The following MAP2K5 variants were observed in gnomAD, a reference collection of about 807,000 sequenced individuals.
MAP2K5 encodes dual specificity mitogen-activated protein kinase kinase 5.
Under a neutral mutation model 83.1 loss-of-function variants are expected in MAP2K5, and 49 were observed. The observed-to-expected ratio is 0.59, with a 90% CI of 0.47 to 0.75. The LOEUF (loss-of-function observed/expected upper bound fraction) is 0.75. Ranked by LOEUF, MAP2K5 falls within the 30% of genes least tolerant of loss-of-function variation. The pLI is 0.00. For synonymous variants in MAP2K5, 202 were observed against 191.8 expected (o/e 1.05, Z -0.44); for missense variants, 457 against 557.5 (o/e 0.82, Z 1.82).
At chr15:67,766,443 A>C (rs1020857033) in intron 19 of MAP2K5, among the ~76,000 whole-genome samples, 2 of 152,228 alleles carry the variant, frequency 1.3e-5, no homozygotes, top group African/African-American at 4.8e-5. Context: ...TCTTCAGCCC[A>C]CATTTATATT....
intron 13 of MAP2K5, among the ~76,000 whole-genome samples, chr15:67,681,635 C>A (rs183881553): frequency 2.6e-5 from 4 of 152,246 alleles, no homozygotes; most frequent in African/African-American, 9.6e-5. Flanking sequence ...TAGCTTAAAC[C>A]CAAACCTTAA....
Position 67,558,049 on chromosome 15 carries a change from C to G in MAP2K5, c.185-5234C>G, listed in dbSNP as rs79348006. ...ATTTTGGCTGGAAATATTACTGATG[C>G]AAAAAGTCCAAATCCCTTTTAGTCT... is the stretch of plus-strand genomic sequence containing the variant. On this transcript the variant is annotated intron_variant, in intron 2 of 21. Transcript: ENST00000178640. Among the ~76,000 whole-genome samples the G allele has an allele frequency of 7.5e-3, 1,138 of 152,198 alleles. 12 individuals are homozygous for G. The highest frequency in any genetic ancestry group is 0.024 in the African/African-American group (1,007 of 41,532).
Position 67,806,759 on chromosome 15 carries a change from C to T in MAP2K5, c.*9C>T. The T allele has an allele frequency of 6.4e-7, 1 of 1,563,970 alleles. No homozygotes were observed. Among genetic ancestry groups the T allele is most frequent in the Non-Finnish European group, 8.6e-7 (1 of 1,158,102 alleles). ...AGCAGGGGCCCCCGTGAGGCTGCCG[C>T]AGGGCACTGAAAGCCCAGGACCAGT... On this transcript the variant is annotated 3_prime_UTR_variant, in exon 22 of 22. Coordinates refer to ENST00000178640, the MANE Select transcript of MAP2K5 (RefSeq NM_145160.3).
rs571341902 is a variant in MAP2K5 at position 67,641,669 on chromosome 15, T to G, written c.586-4562T>G. ...TGGAAATGCACCAAGGTATTTCAGT[T>G]TCTCACTTAACCCTTTCTCCATGGA... is the stretch of plus-strand genomic sequence containing the variant. On this transcript the variant is annotated intron_variant, in intron 9 of 21. Coordinates refer to ENST00000178640, the MANE Select transcript of MAP2K5 (RefSeq NM_145160.3). 9 of 960,166 alleles carry G rather than the reference T, an allele frequency of 9.4e-6. No homozygotes were observed. In the Admixed American group the frequency reaches 3.7e-4, roughly 39 times the overall value. 59.5% of individuals were successfully genotyped at this position (960,166 alleles called of 1,614,324 possible).
intron 17 of MAP2K5, among the ~76,000 whole-genome samples, chr15:67,739,054 A>G (rs1271487784): frequency 6.6e-6 from 1 of 152,092 alleles, no homozygotes; most frequent in African/African-American, 2.4e-5. Flanking sequence ...CCAAGGCAGG[A>G]GACTCACGTG....
chr15:67,764,609 C>G lies in MAP2K5; in HGVS notation c.1135-4993C>G, dbSNP rs2090007697. ...TATGGATTAAGTATCAGCCATTCCA[C>G]AATGCCAGGCTCATTGCGTTCCACA... On this transcript the variant is annotated intron_variant, in intron 19 of 21. Transcript: ENST00000178640. This position sits in a 1 kb window ranked among gnomAD's most constrained non-coding sequence, Gnocchi z 4.9. 6.6e-6 allele frequency among the ~76,000 whole-genome samples: 1 copy of G among 152,184 alleles called. No individual in the cohort carries two copies. Among genetic ancestry groups the G allele is most frequent in the Non-Finnish European group, 1.5e-5 (1 of 68,038 alleles).
At chr15:67,600,337 G>T (rs1480654965) in intron 7 of MAP2K5, among the ~76,000 whole-genome samples, 4 of 152,160 alleles carry the variant, frequency 2.6e-5, no homozygotes, top group South Asian at 2.1e-4. Context: ...CTTTGGTTAT[G>T]TGCAGTGCTC....
At chr15:67,631,294 A>G (rs572423712) in intron 9 of MAP2K5, among the ~76,000 whole-genome samples, 2 of 152,070 alleles carry the variant, frequency 1.3e-5, no homozygotes, top group East Asian at 3.9e-4. Flanking sequence ...TCCCGTTAGA[A>G]TTTTTCCCTG....
At chr15:67,701,455 A>G (rs945890534) in intron 15 of MAP2K5, among the ~76,000 whole-genome samples, 1 of 152,232 alleles carries the variant, frequency 6.6e-6, no homozygotes, top group South Asian at 2.1e-4. Context: ...TTTACAACAC[A>G]GTGTGATAAA....
chr15:67,706,201 G>A (rs1336563427), intron 16 of MAP2K5, among the ~76,000 whole-genome samples: 1 of 152,134 alleles, frequency 6.6e-6, no homozygotes, highest in Non-Finnish European at 1.5e-5. Context: ...CTGGGTGCTA[G>A]GGGTACAAAG....
chr15:67,594,046 A>C (rs1194144540), intron 7 of MAP2K5, among the ~76,000 whole-genome samples: 1 of 152,210 alleles, frequency 6.6e-6, no homozygotes, highest in Non-Finnish European at 1.5e-5. Context: ...TTAGCACACA[A>C]TTCCTTGAAT....
intron 3 of MAP2K5, among the ~76,000 whole-genome samples, chr15:67,564,714 C>A (rs901997502): frequency 6.6e-6 from 1 of 152,182 alleles, no homozygotes; most frequent in African/African-American, 2.4e-5. Flanking sequence ...AAAGGTCTAC[C>A]ACTGGTATTG....
intron 17 of MAP2K5, among the ~76,000 whole-genome samples, chr15:67,729,249 G>T (rs1177133992): frequency 6.6e-6 from 1 of 152,108 alleles, no homozygotes; most frequent in Non-Finnish European, 1.5e-5. Context: ...TTCTTATTCT[G>T]TCAGTAATTT....
intron 12 of MAP2K5, among the ~76,000 whole-genome samples, chr15:67,663,610 C>T (rs956591409): frequency 1.3e-5 from 2 of 152,120 alleles, no homozygotes; most frequent in Non-Finnish European, 2.9e-5. Flanking sequence ...TGGTGACTCC[C>T]ACCTGTAGTC....
At chr15:67,753,770 C>T (rs1481187441) in intron 19 of MAP2K5, among the ~76,000 whole-genome samples, 2 of 152,084 alleles carry the variant, frequency 1.3e-5, no homozygotes, top group East Asian at 3.8e-4. Flanking sequence ...AAAATGGTTC[C>T]ACAGTTGCTG....
intron 11 of MAP2K5, among the ~76,000 whole-genome samples, chr15:67,655,352 T>G (rs961826539): frequency 3.9e-5 from 6 of 152,222 alleles, no homozygotes; most frequent in African/African-American, 1.2e-4. Flanking sequence ...TAAAGTTCTT[T>G]CAGTCTGAAA....
At chr15:67,590,365 C>T (rs144629946) in intron 6 of MAP2K5, among the ~76,000 whole-genome samples, 5 of 151,526 alleles carry the variant, frequency 3.3e-5, no homozygotes, top group African/African-American at 1.2e-4. Context: ...AGTCCTTTCT[C>T]TTTTTTTCCT....
chr15:67,695,377 A>G (rs1011773706), intron 15 of MAP2K5, among the ~76,000 whole-genome samples: 3 of 152,210 alleles, frequency 2.0e-5, no homozygotes, highest in African/African-American at 4.8e-5. Context: ...AGATACCAGA[A>G]TAGCTCATTT....
chr15:67,582,419 T>G (rs1185199098), intron 4 of MAP2K5, among the ~76,000 whole-genome samples: 4 of 152,310 alleles, frequency 2.6e-5, no homozygotes, highest in Middle Eastern at 3.4e-3. Flanking sequence ...AGTTTCAAAA[T>G]TCTTTCTTCA....
Sources: allele counts gnomAD v4.1 joint callset (sites outside exome capture counted in the v4.1 genomes callset), GRCh38; gene constraint gnomAD v4.1.1; non-coding constraint Gnocchi (gnomAD v3.1); transcripts MANE v1.5; gene names NCBI Gene and HGNC (gene_info 2026-07-23, HGNC 2026-07-21).